Variants in TSPAN18 observed in about 807,000 individuals in gnomAD.
TSPAN18 encodes tetraspanin-18.
A neutral mutation model predicts 27.3 loss-of-function variants in TSPAN18; 14 were observed. The ratio of observed to expected loss-of-function variants is 0.51; its 90% confidence interval spans 0.34 to 0.80. TSPAN18 has a LOEUF of 0.80. Ranked by LOEUF, TSPAN18 falls within the 30% of genes least tolerant of loss-of-function variation. TSPAN18 has a pLI of 0.01. For synonymous variants in TSPAN18, 143 were observed against 136.5 expected (o/e 1.05, Z -0.33); for missense variants, 268 against 323.9 (o/e 0.83, Z 1.32).
At position 44,931,199 on chromosome 11, in the gene TSPAN18, A is replaced by C; in HGVS notation, c.*2021A>C. Reference sequence around the variant, plus strand: ...GGTCCGTAGAAGCTAAGCTCCTGAGACCCAGGGGGACCTGCCACTGGTACC... The same window carrying C: ...GGTCCGTAGAAGCTAAGCTCCTGAGCCCCAGGGGGACCTGCCACTGGTACC... On this transcript the variant is annotated 3_prime_UTR_variant, in exon 10 of 10. Transcript: ENST00000520358. The C allele has an allele frequency of 3.2e-6, 1 of 307,896 alleles. No individual in the cohort carries two copies. Among genetic ancestry groups the C allele is most frequent in the Non-Finnish European group, 6.4e-6 (1 of 155,140 alleles). 19.1% of individuals were successfully genotyped at this position (307,896 alleles called of 1,614,324 possible).
At chr11:44,859,007 C>T (rs1033066204) in intron 2 of TSPAN18, among the ~76,000 whole-genome samples, 6 of 152,204 alleles carry the variant, frequency 3.9e-5, no homozygotes, top group Admixed American at 6.5e-5. Context: ...GTGTGACATT[C>T]GTGCTCACCA....
chr11:44,818,903 A>G (rs1302859935), intron 2 of TSPAN18, among the ~76,000 whole-genome samples: 3 of 151,882 alleles, frequency 2.0e-5, no homozygotes, highest in Non-Finnish European at 2.9e-5. Context: ...CCCTGAACCT[A>G]TTTCCCCATT....
intron 3 of TSPAN18, among the ~76,000 whole-genome samples, chr11:44,864,115 C>T (rs989475849): frequency 2.0e-5 from 3 of 151,700 alleles, no homozygotes; most frequent in East Asian, 1.9e-4. Context: ...AGTGAAACCC[C>T]GTCTCTACTA....
intron 1 of TSPAN18, among the ~76,000 whole-genome samples, chr11:44,727,953 G>C (rs1315173122): frequency 2.0e-5 from 3 of 152,168 alleles, no homozygotes; most frequent in Non-Finnish European, 2.9e-5. Flanking sequence ...ACGGTGCTCG[G>C]CTCGGGTGGG....
intron 2 of TSPAN18, among the ~76,000 whole-genome samples, chr11:44,793,918 G>A (rs1447582939): frequency 6.6e-6 from 1 of 152,104 alleles, no homozygotes; most frequent in Non-Finnish European, 1.5e-5. Context: ...CCGTTTCCAC[G>A]GCAACCCCAC....
At chr11:44,850,868 T>C (rs835800) in intron 2 of TSPAN18, among the ~76,000 whole-genome samples, 97,662 of 151,854 alleles carry the variant, frequency 0.64, 32,705 homozygotes, top group Non-Finnish European at 0.73. Flanking sequence ...CTAGATTCCT[T>C]CTCACCTCAC....
At chr11:44,909,164 C>T (rs527325004) in intron 4 of TSPAN18, among the ~76,000 whole-genome samples, 8 of 152,196 alleles carry the variant, frequency 5.3e-5, no homozygotes, top group South Asian at 4.1e-4. Context: ...GGGACAATGA[C>T]GATGACTTGG....
intron 2 of TSPAN18, among the ~76,000 whole-genome samples, chr11:44,771,841 A>C (rs561939459): frequency 6.6e-6 from 1 of 152,348 alleles, no homozygotes; most frequent in African/African-American, 2.4e-5. Context: ...ATACATTTTG[A>C]TATCAAAGAC....
At chr11:44,794,324 T>C (rs1049110739) in intron 2 of TSPAN18, among the ~76,000 whole-genome samples, 1 of 152,140 alleles carries the variant, frequency 6.6e-6, no homozygotes, top group African/African-American at 2.4e-5. Flanking sequence ...TGTGTGTGTG[T>C]GCACGTGTGG....
chr11:44,793,979 G>T (rs965995496), intron 2 of TSPAN18, among the ~76,000 whole-genome samples: 1 of 152,186 alleles, frequency 6.6e-6, no homozygotes, highest in African/African-American at 2.4e-5. Context: ...TGAGGAACAG[G>T]GGGGTGGGGG....
At chr11:44,773,762 C>T (rs1046749323) in intron 2 of TSPAN18, among the ~76,000 whole-genome samples, 2 of 152,086 alleles carry the variant, frequency 1.3e-5, no homozygotes, top group African/African-American at 2.4e-5. Context: ...CAGGTAGTCT[C>T]CAGGTGGAAT....
At chr11:44,888,681 G>T (rs958512616) in intron 3 of TSPAN18, among the ~76,000 whole-genome samples, 3 of 152,164 alleles carry the variant, frequency 2.0e-5, no homozygotes, top group Admixed American at 1.3e-4. Context: ...CTCTGATTTT[G>T]CTATGAGCCT....
chr11:44,762,276 G>A (rs1855470753), intron 1 of TSPAN18, among the ~76,000 whole-genome samples: 1 of 152,322 alleles, frequency 6.6e-6, no homozygotes, highest in East Asian at 1.9e-4. Flanking sequence ...TGGCCCACAT[G>A]TACTACGGGA....
chr11:44,821,840 T>C (rs1250761478), intron 2 of TSPAN18, among the ~76,000 whole-genome samples: 3 of 152,238 alleles, frequency 2.0e-5, no homozygotes, highest in African/African-American at 7.2e-5. Flanking sequence ...ATCAGGTCTG[T>C]GGACAGGTTG....
chr11:44,861,794 C>CAT (rs779742215), intron 3 of TSPAN18, among the ~76,000 whole-genome samples: 3 of 10,618 alleles, frequency 2.8e-4, no homozygotes, highest in African/African-American at 1.8e-3. Context: ...GCCCAAATTT[C>CAT]ACACACACAC....
At chr11:44,907,915 C>T (rs185443567) in intron 4 of TSPAN18, among the ~76,000 whole-genome samples, 116 of 152,122 alleles carry the variant, frequency 7.6e-4, no homozygotes, top group African/African-American at 2.5e-3. Flanking sequence ...AGTAGCCATG[C>T]GTGGTAGCGG....
intron 2 of TSPAN18, among the ~76,000 whole-genome samples, chr11:44,791,835 A>G (rs1485216347): frequency 6.6e-6 from 1 of 152,218 alleles, no homozygotes; most frequent in African/African-American, 2.4e-5. Flanking sequence ...TGACCTCGAC[A>G]AGCCATTTCA....
intron 1 of TSPAN18, among the ~76,000 whole-genome samples, chr11:44,756,894 T>C (rs1855345367): frequency 6.6e-6 from 1 of 152,240 alleles, no homozygotes; most frequent in Admixed American, 6.5e-5. Context: ...AAATATCTCT[T>C]TGAGACCCTA....
chr11:44,804,163 G>A (rs963239232), intron 2 of TSPAN18, among the ~76,000 whole-genome samples: 1 of 152,092 alleles, frequency 6.6e-6, no homozygotes, highest in East Asian at 1.9e-4. Context: ...GAGTGCAATG[G>A]TGCGATCTCA....
Sources: gnomAD v4.1 joint callset for allele counts (sites outside exome capture counted in the v4.1 genomes callset) on GRCh38, gnomAD v4.1.1 for gene constraint, MANE v1.5 for transcripts, NCBI Gene and HGNC (gene_info 2026-07-23, HGNC 2026-07-21) for gene names.